Variants in LPGAT1 observed in about 807,000 individuals in gnomAD.
The protein encoded by LPGAT1 is acyl-CoA:lysophosphatidylglycerol acyltransferase 1.
In LPGAT1, 11 loss-of-function variants were observed where a neutral mutation model predicts 47.5. That is an observed-to-expected ratio of 0.23 (90% CI 0.15 to 0.38). The LOEUF (loss-of-function observed/expected upper bound fraction) is 0.38, where lower values mean the gene tolerates loss of function less well. Among genes scored for constraint, LPGAT1 ranks in the 10% least tolerant of loss-of-function variants. The pLI is 1.00. For synonymous variants in LPGAT1, 138 were observed against 144.2 expected (o/e 0.96, Z 0.31); for missense variants, 293 against 439.0 (o/e 0.67, Z 2.97).
At chr1:211,786,173 T>C (rs2102544058) in intron 4 of LPGAT1, among the ~76,000 whole-genome samples, 1 of 152,366 alleles carries the variant, frequency 6.6e-6, no homozygotes, top group East Asian at 1.9e-4. Flanking sequence ...GGTATGCTTA[T>C]ATTTGTTTCT....
intron 2 of LPGAT1, among the ~76,000 whole-genome samples, chr1:211,815,148 T>C (rs887208539): frequency 1.3e-5 from 2 of 152,220 alleles, no homozygotes; most frequent in African/African-American, 4.8e-5. Flanking sequence ...CCGATTTCTC[T>C]TTCTAGCTCA....
At chr1:211,758,177 C>G (rs1056834276) in intron 6 of LPGAT1, among the ~76,000 whole-genome samples, 2 of 152,150 alleles carry the variant, frequency 1.3e-5, no homozygotes, top group African/African-American at 4.8e-5. Flanking sequence ...GTGCCTTTTC[C>G]TAACTTCTTT....
intron 1 of LPGAT1, chr1:211,829,579 T>G: frequency 1.6e-6 from 2 of 1,276,404 alleles, no homozygotes; most frequent in Non-Finnish European, 1.0e-6. Flanking sequence ...GATAACACAA[T>G]TCCCATTCAG....
intron 2 of LPGAT1, among the ~76,000 whole-genome samples, chr1:211,805,319 A>T (rs1363643383): frequency 6.6e-6 from 1 of 152,192 alleles, no homozygotes; most frequent in African/African-American, 2.4e-5. Flanking sequence ...AAAATACAGC[A>T]AGTCAAAAAT....
chr1:211,776,323 G>A (rs551079319), intron 6 of LPGAT1, among the ~76,000 whole-genome samples: 204 of 152,252 alleles, frequency 1.3e-3, no homozygotes, highest in Middle Eastern at 3.4e-3. Context: ...GATCACTTGA[G>A]GTCAGGAGTT....
intron 6 of LPGAT1, among the ~76,000 whole-genome samples, chr1:211,770,589 G>T (rs757657051): frequency 6.6e-6 from 1 of 152,124 alleles, no homozygotes; most frequent in Non-Finnish European, 1.5e-5. Context: ...AAAAATTCCT[G>T]TTGCCTAGTG....
rs1244966155 is a variant in LPGAT1 at position 211,830,225 on chromosome 1, G to A, written c.-28+348C>T. The A allele has an allele frequency of 1.6e-5, 16 of 984,034 alleles. No individual in the cohort carries two copies. The South Asian group carries it at 2.8e-4, about 17-fold the overall frequency. The allele number at this position is 984,034 out of a possible 1,614,324, so 61.0% of individuals were successfully genotyped here. A position where few individuals can be genotyped will look rare whatever the true frequency, so the allele number is the denominator to read the frequency against. The stretch of plus-strand genomic sequence containing the variant: ...GCGGGCGGCTGCGGAGAGCGGGGGC[G>A]GGTGTCCCCCGCCGAGGGGTCGCGG... On this transcript the variant is annotated intron_variant, in intron 1 of 7. Transcript: ENST00000366997. This position sits in a 1 kb window ranked among gnomAD's most constrained non-coding sequence, Gnocchi z 5.9.
At chr1:211,787,565 C>T in intron 4 of LPGAT1, 67 bp downstream of exon 4, 3 of 823,178 alleles carry the variant, frequency 3.6e-6, no homozygotes, top group Non-Finnish European at 5.8e-6. Flanking sequence ...TTTGTTATAC[C>T]TCTTTTTATA....
rs112662024 is a variant in LPGAT1, at chr1:211,749,742, A to AG, written c.*156_*157insC. ...ATATTACTAATCCTCATTTTAGTAG[A>AG]TTTTAAAATATCCCAAAGGGGGATA... On this transcript the variant is annotated 3_prime_UTR_variant, in exon 8 of 8. Transcript: ENST00000366997. The AG allele has an allele frequency of 0.13, 100,307 of 743,430 alleles. 7,061 individuals carry two copies. Among genetic ancestry groups the AG allele is most frequent in the South Asian group, 0.2 (11,173 of 56,302 alleles). 46.1% of individuals were successfully genotyped at this position (743,430 alleles called of 1,614,324 possible). A position where few individuals can be genotyped will look rare whatever the true frequency, so the allele number is the denominator to read the frequency against.
At chr1:211,778,026 A>C (rs1477643999) in intron 6 of LPGAT1, among the ~76,000 whole-genome samples, 9 of 152,232 alleles carry the variant, frequency 5.9e-5, no homozygotes, top group Admixed American at 5.9e-4. Flanking sequence ...AACATCAGGA[A>C]GTTACCCTAT....
At chr1:211,770,972 C>T (rs1172500689) in intron 6 of LPGAT1, among the ~76,000 whole-genome samples, 1 of 151,920 alleles carries the variant, frequency 6.6e-6, no homozygotes, top group Non-Finnish European at 1.5e-5. Context: ...TGGCACATGC[C>T]TATAATCCCA....
At chr1:211,795,542 T>C (rs1224600601) in intron 2 of LPGAT1, among the ~76,000 whole-genome samples, 4 of 152,178 alleles carry the variant, frequency 2.6e-5, no homozygotes, top group African/African-American at 9.7e-5. Context: ...TAATCTTGTA[T>C]TTTTAGTAGA....
At chr1:211,824,863 C>A (rs1419729516) in intron 2 of LPGAT1, among the ~76,000 whole-genome samples, 1 of 152,082 alleles carries the variant, frequency 6.6e-6, no homozygotes, top group Non-Finnish European at 1.5e-5. Flanking sequence ...CTTTTTGTCA[C>A]ACAATGAATA....
chr1:211,766,372 A>G (rs1657914769), intron 6 of LPGAT1, among the ~76,000 whole-genome samples: 1 of 152,178 alleles, frequency 6.6e-6, no homozygotes, highest in Non-Finnish European at 1.5e-5. Context: ...TATACAGATG[A>G]TCCTTGACTT....
chr1:211,810,800 A>G (rs1303959499), intron 2 of LPGAT1, among the ~76,000 whole-genome samples: 2 of 152,236 alleles, frequency 1.3e-5, no homozygotes, highest in Non-Finnish European at 2.9e-5. Context: ...CCCGGGTAGT[A>G]ACCTTCCTGG....
intron 2 of LPGAT1, among the ~76,000 whole-genome samples, chr1:211,794,227 G>A (rs1388325129): frequency 2.6e-5 from 4 of 152,132 alleles, no homozygotes; most frequent in African/African-American, 7.2e-5. Flanking sequence ...AAGTCACTGC[G>A]CCAAAATCTA....
chr1:211,746,583 CCA>C lies in LPGAT1; in HGVS notation c.*3314_*3315del, dbSNP rs1656952061. On this transcript the variant is annotated 3_prime_UTR_variant, in exon 8 of 8. Transcript: ENST00000366997. ...TTTTTGATTTACCTATCATTTATTA[CCA>C]GATTATCTATCCAGAAAGTAATCAA... 1.3e-5 allele frequency: 2 copies of C among 152,110 alleles called. No individual in the cohort carries two copies. The highest frequency in any genetic ancestry group is 1.3e-4 in the Admixed American group (2 of 15,266). The allele number at this position is 152,110 out of a possible 1,614,324, so 9.4% of individuals were successfully genotyped here. A position where few individuals can be genotyped will look rare whatever the true frequency, so the allele number is the denominator to read the frequency against.
At chr1:211,753,736 T>C (rs2102489308) in intron 6 of LPGAT1, among the ~76,000 whole-genome samples, 1 of 152,344 alleles carries the variant, frequency 6.6e-6, no homozygotes, top group South Asian at 2.1e-4. Flanking sequence ...TGTCACCTTC[T>C]TGTGTTTGCT....
chr1:211,778,870 G>T, intron 6 of LPGAT1, 48 bp downstream of exon 6: 1 of 1,411,866 alleles, frequency 7.1e-7, no homozygotes, highest in Non-Finnish European at 9.4e-7. Context: ...ATACTATTCT[G>T]AGGTAGTATT....
Sources: allele counts gnomAD v4.1 joint callset (sites outside exome capture counted in the v4.1 genomes callset), GRCh38; gene constraint gnomAD v4.1.1; non-coding constraint Gnocchi (gnomAD v3.1); transcripts MANE v1.5; gene names NCBI Gene and HGNC (gene_info 2026-07-23, HGNC 2026-07-21).